The following ASTN2 variants were observed in gnomAD, a reference collection of about 807,000 sequenced individuals.
The protein encoded by ASTN2 is astrotactin 2.
In ASTN2, 54 loss-of-function variants were observed where a neutral mutation model predicts 139.8. That is an observed-to-expected ratio of 0.39 (90% CI 0.31 to 0.48). The LOEUF (loss-of-function observed/expected upper bound fraction) is 0.48, where lower values mean the gene tolerates loss of function less well. Among genes scored for constraint, ASTN2 ranks in the 20% least tolerant of loss-of-function variants. ASTN2 has a pLI of 0.95. For missense variants in ASTN2, 1,565 were observed against 1,725.1 expected (o/e 0.91, Z 1.64); for synonymous variants, 756 against 719.5 (o/e 1.05, Z -0.81).
intron 10 of ASTN2, among the ~76,000 whole-genome samples, chr9:116,933,279 C>T (rs950325630): frequency 6.6e-6 from 1 of 152,150 alleles, no homozygotes; most frequent in African/African-American, 2.4e-5. Context: ...ATTACCTACT[C>T]TTCATACCTC....
chr9:117,414,652 G>T lies in ASTN2; in HGVS notation c.287C>A (p.Ala96Asp). ...GGACGCGGCGGCGGCGGCGGCTCCG[G>T]CCCCGGTCCCAGCCCCGGCCCCGGC... ...ARAGAGAGTG[A>D]GAAAAAASPG... The change falls in exon 1 of 23, where the codon GCC becomes GAC. Residue 96 changes from alanine (A) to aspartate (D), a missense_variant. Ala to Asp is a moderately radical substitution (Grantham distance 126). Coordinates refer to ENST00000313400, the MANE Select transcript of ASTN2 (RefSeq NM_001365068.1). This position sits in a 1 kb window ranked among gnomAD's most constrained non-coding sequence, Gnocchi z 4.2. 7.3e-7 allele frequency: 1 copy of T among 1,360,592 alleles called. No homozygotes were observed. The allele number at this position is 1,360,592 out of a possible 1,614,324, so 84.3% of individuals were successfully genotyped here.
intron 20 of ASTN2, among the ~76,000 whole-genome samples, chr9:116,476,244 A>T (rs1323064454): frequency 6.6e-6 from 1 of 152,228 alleles, no homozygotes; most frequent in Non-Finnish European, 1.5e-5. Flanking sequence ...TCAGAGCGGC[A>T]TCAGTCACTG....
At chr9:116,721,428 G>T (rs191701221) in intron 16 of ASTN2, among the ~76,000 whole-genome samples, 1 of 152,314 alleles carries the variant, frequency 6.6e-6, no homozygotes, top group East Asian at 1.9e-4. Flanking sequence ...TCAAGTCAAA[G>T]GGTGAAATGG....
chr9:116,632,612 C>T (rs1030263432), intron 17 of ASTN2, among the ~76,000 whole-genome samples: 1 of 152,198 alleles, frequency 6.6e-6, no homozygotes, highest in East Asian at 1.9e-4. Flanking sequence ...ACATTGAACC[C>T]TTTGTCATGG....
rs554826769 is a variant in ASTN2 at position 116,740,237 on chromosome 9, A to G, written c.2397-6714T>C. 1.9e-3 allele frequency among the ~76,000 whole-genome samples: 286 copies of G among 152,334 alleles called. 2 individuals are homozygous for G. Among genetic ancestry groups the G allele is most frequent in the Admixed American group, 4.1e-3 (62 of 15,308 alleles). The stretch of plus-strand genomic sequence containing the variant: ...GCCCCATTCAAAAACCATCATTTCC[A>G]TAATACCATTCCAGTTTTCCCCAGT... On this transcript the variant is annotated intron_variant, in intron 13 of 22. Transcript: ENST00000313400.
chr9:117,344,484 C>T (rs1261452898), intron 1 of ASTN2, among the ~76,000 whole-genome samples: 9 of 152,144 alleles, frequency 5.9e-5, no homozygotes. Context: ...GTACCACAAA[C>T]CACTTGGTAA....
chr9:116,975,448 T>C (rs1588452635), intron 9 of ASTN2, 103 bp from the exon 10 acceptor site: 6 of 1,109,676 alleles, frequency 5.4e-6, no homozygotes, highest in Non-Finnish European at 6.1e-6. Flanking sequence ...TTCCTACTTC[T>C]CCATCCATAT....
intron 10 of ASTN2, among the ~76,000 whole-genome samples, chr9:116,949,282 A>G (rs867331190): frequency 9.2e-5 from 14 of 152,286 alleles, no homozygotes; most frequent in Middle Eastern, 3.4e-3. Context: ...GCACCTGTTT[A>G]TGATATGTCA....
In ASTN2 at chr9:116,505,773, C is replaced by G. The variant is rs146880153; in HGVS notation, c.3356-18273G>C. 1.1e-3 allele frequency among the ~76,000 whole-genome samples: 167 copies of G among 152,296 alleles called. 1 individual carries two copies. Among genetic ancestry groups the G allele is most frequent in the African/African-American group, 3.9e-3 (161 of 41,582 alleles). On this transcript the variant is annotated intron_variant, in intron 19 of 22. Coordinates refer to ENST00000313400, the MANE Select transcript of ASTN2 (RefSeq NM_001365068.1). ...CTGCTCCAGCTAGAGCGCCTTCCCT[C>G]TCCCTTTGCTGACTACACTTCAATG...
intron 7 of ASTN2, among the ~76,000 whole-genome samples, chr9:116,993,258 T>C (rs1285153504): frequency 2.6e-5 from 4 of 152,192 alleles, no homozygotes; most frequent in African/African-American, 4.8e-5. Context: ...TTAGCCTCTA[T>C]GATCTTCCTC....
At chr9:117,406,437 G>T (rs1830990336) in intron 1 of ASTN2, among the ~76,000 whole-genome samples, 1 of 152,222 alleles carries the variant, frequency 6.6e-6, no homozygotes, top group South Asian at 2.1e-4. Flanking sequence ...AGTCTGTACA[G>T]CCCTACATGA....
At position 117,096,029 on chromosome 9, in the gene ASTN2, C is replaced by G. The variant is rs377079034; in HGVS notation, c.1276+15G>C. The G allele has an allele frequency of 6.2e-7, 1 of 1,612,136 alleles. No homozygotes were observed. Among genetic ancestry groups the G allele is most frequent in the East Asian group, 2.2e-5 (1 of 44,826 alleles). On this transcript the variant is annotated intron_variant, in intron 5 of 22. Coordinates refer to ENST00000313400, the MANE Select transcript of ASTN2 (RefSeq NM_001365068.1). Reference sequence around the variant, plus strand: ...TACAAACTCTGGTTCTGGAACCTTCCAAGGACACTATTACCTTTGCTGCGG... The same window carrying G: ...TACAAACTCTGGTTCTGGAACCTTCGAAGGACACTATTACCTTTGCTGCGG...
chr9:116,632,236 A>G lies in ASTN2; in HGVS notation c.3073-11793T>C, dbSNP rs145055814. On this transcript the variant is annotated intron_variant, in intron 17 of 22. Coordinates refer to ENST00000313400, the MANE Select transcript of ASTN2 (RefSeq NM_001365068.1). ...AAGAAAGAAAGAAAGAAAGAAAGAA[A>G]GAAAGAAAGAAAGAAGGAAAGAAAG... 2.6e-3 allele frequency among the ~76,000 whole-genome samples: 335 copies of G among 129,774 alleles called. 2 individuals are homozygous for G. The highest frequency in any genetic ancestry group is 7.8e-3 in the African/African-American group (226 of 28,872). 85.1% of individuals were successfully genotyped at this position (129,774 alleles called of 152,430 possible).
intron 22 of ASTN2, among the ~76,000 whole-genome samples, chr9:116,434,391 G>A (rs1217046227): frequency 6.6e-6 from 1 of 152,132 alleles, no homozygotes; most frequent in Non-Finnish European, 1.5e-5. Context: ...ACACAATCTT[G>A]GAGGAATGTA....
At chr9:116,803,745 C>T (rs2132243654) in intron 13 of ASTN2, among the ~76,000 whole-genome samples, 1 of 150,948 alleles carries the variant, frequency 6.6e-6, no homozygotes, top group Admixed American at 6.6e-5. Context: ...AGGATGGTCT[C>T]AATCTCCTTA....
intron 12 of ASTN2, among the ~76,000 whole-genome samples, chr9:116,815,482 T>C (rs1831286612): frequency 1.3e-5 from 2 of 152,018 alleles, no homozygotes; most frequent in African/African-American, 4.8e-5. Flanking sequence ...TTTCCTCCTC[T>C]AAATGATCTG....
At chr9:116,562,666 GGT>G (rs1324292719) in intron 19 of ASTN2, among the ~76,000 whole-genome samples, 4 of 148,614 alleles carry the variant, frequency 2.7e-5, no homozygotes, top group African/African-American at 1.0e-4. Context: ...GGGAGGCAGA[GGT>G]TGCAGTGAGC....
At chr9:116,762,922 TTTG>T (rs1403750024) in intron 13 of ASTN2, among the ~76,000 whole-genome samples, 1 of 152,230 alleles carries the variant, frequency 6.6e-6, no homozygotes, top group African/African-American at 2.4e-5. Context: ...GACATTGGGA[TTTG>T]TTATTTCTCT....
chr9:117,176,810 T>G (rs571318515), intron 3 of ASTN2, among the ~76,000 whole-genome samples: 11 of 152,192 alleles, frequency 7.2e-5, no homozygotes, highest in Admixed American at 1.3e-4. Flanking sequence ...TGTACTCCTG[T>G]AGTCCCAGCT....
Sources: allele counts gnomAD v4.1 joint callset (sites outside exome capture counted in the v4.1 genomes callset), GRCh38; gene constraint gnomAD v4.1.1; non-coding constraint Gnocchi (gnomAD v3.1); transcripts MANE v1.5; gene names NCBI Gene and HGNC (gene_info 2026-07-23, HGNC 2026-07-21).